Variants in LYST observed in about 807,000 individuals in gnomAD.
The protein encoded by LYST is lysosomal trafficking regulator, also known as lysosomal-trafficking regulator.
In LYST, 192 loss-of-function variants were observed where a neutral mutation model predicts 413.6. The ratio of observed to expected loss-of-function variants is 0.46; its 90% CI spans 0.41 to 0.52. LYST has a LOEUF of 0.52. Among genes scored for constraint, LYST ranks in the 20% least tolerant of loss-of-function variants. The pLI, the probability that LYST is intolerant of heterozygous loss-of-function variation, is 0.00. For synonymous variants in LYST, 1,525 were observed against 1,567.3 expected, an observed-to-expected ratio of 0.97 and a Z score of 0.64; for missense variants, 3,815 against 4,499.9, an observed-to-expected ratio of 0.85 and a Z score of 4.35.
chr1:235,868,233 C>G (rs4660117), upstream of LYST, among the ~76,000 whole-genome samples: 114,662 of 151,740 alleles, frequency 0.76, 43,336 homozygotes, highest in East Asian at 0.88. Flanking sequence ...GGGCAGTGGC[C>G]GGATATCGGC....
At chr1:235,752,450 G>GT (rs1346104817) in intron 26 of LYST, among the ~76,000 whole-genome samples, 1 of 152,090 alleles carries the variant, frequency 6.6e-6, no homozygotes, top group Admixed American at 6.5e-5. Flanking sequence ...GTAAATGGTT[G>GT]TAAGTGTAAC....
intron 1 of LYST, among the ~76,000 whole-genome samples, chr1:235,850,320 C>T (rs566571711): frequency 6.6e-6 from 1 of 152,038 alleles, no homozygotes; most frequent in Non-Finnish European, 1.5e-5. Context: ...ATCAGCTAGC[C>T]GCATGTAGGA....
intron 31 of LYST, chr1:235,738,448 A>G: frequency 6.2e-7 from 1 of 1,612,952 alleles, no homozygotes; most frequent in Non-Finnish European, 8.5e-7. Context: ...GGCTTGGAAG[A>G]TAATGGCTTT....
intron 47 of LYST, among the ~76,000 whole-genome samples, chr1:235,692,712 T>C (rs1660761374): frequency 6.6e-6 from 1 of 151,540 alleles, no homozygotes; most frequent in South Asian, 2.1e-4. Context: ...GCATTAACCA[T>C]TATAAAGATA....
chr1:235,703,912 T>G (rs1661746853), intron 44 of LYST, among the ~76,000 whole-genome samples: 1 of 136,412 alleles, frequency 7.3e-6, no homozygotes, highest in African/African-American at 3.0e-5. Flanking sequence ...CCTCCTCCTA[T>G]CCCTCACCCT....
At chr1:235,669,253 C>G (rs534782392) in intron 50 of LYST, among the ~76,000 whole-genome samples, 1 of 152,170 alleles carries the variant, frequency 6.6e-6, no homozygotes. Context: ...CCAGATACCC[C>G]CCAACTCTCA....
intron 48 of LYST, among the ~76,000 whole-genome samples, chr1:235,685,175 C>T (rs564746592): frequency 6.6e-6 from 1 of 152,200 alleles, no homozygotes; most frequent in South Asian, 2.1e-4. Flanking sequence ...GGATCCAGCT[C>T]AAGTGTAACT....
intron 48 of LYST, among the ~76,000 whole-genome samples, chr1:235,682,038 A>G (rs4233482): frequency 1 from 152,208 of 152,322 alleles, 76,047 homozygotes; most frequent in East Asian, 1. Flanking sequence ...AAGATTTAAC[A>G]TGTGGCTCAC....
intron 47 of LYST, among the ~76,000 whole-genome samples, chr1:235,688,381 T>C (rs530623377): frequency 8.5e-5 from 13 of 152,342 alleles, no homozygotes; most frequent in South Asian, 2.1e-4. Flanking sequence ...CCCAAGAGGA[T>C]AATCTAATAT....
At chr1:235,828,013 T>G (rs963590011) in intron 3 of LYST, 4 of 415,944 alleles carry the variant, frequency 9.6e-6, no homozygotes, top group African/African-American at 8.7e-5. Flanking sequence ...AATAAGCAAA[T>G]GAAAAAATGC....
intron 14 of LYST, among the ~76,000 whole-genome samples, chr1:235,782,953 G>A (rs376530954): frequency 6.6e-6 from 1 of 152,108 alleles, no homozygotes; most frequent in African/African-American, 2.4e-5. Flanking sequence ...CATGGATAAC[G>A]GTGAAGGAAT....
intron 50 of LYST, among the ~76,000 whole-genome samples, chr1:235,667,752 C>T (rs1423418022): frequency 2.6e-5 from 4 of 152,094 alleles, no homozygotes; most frequent in Admixed American, 6.5e-5. Context: ...CTGCAACCTC[C>T]GCTTCCTTCA....
chr1:235,730,587 GTGTGTGTGTGTGTGTGTGTGTGTGTGTA>G (rs1375054531), intron 36 of LYST, among the ~76,000 whole-genome samples: 2 of 110,904 alleles, frequency 1.8e-5, no homozygotes, highest in Non-Finnish European at 3.6e-5. Flanking sequence ...GTGTGTGTGT[GTGTGTGTGTGTGTGTGTGTGTGTGTGTA>G]TATGTAAACT....
chr1:235,702,798 C>T lies in LYST; in HGVS notation c.10323G>A (p.Val3441=), dbSNP rs1661649542. ...CTCGGGTCTCCCTGAAAGCAAACTG[C>T]ACTAGCAACCCCACAGCAGCTGGAA... is the stretch of plus-strand genomic sequence containing the variant. ...GELPAAVGLL[V]QFAFRETREQ... Residue 3441 remains valine (V), a synonymous_variant, in exon 45 of 53, where the codon GTG becomes GTA. Transcript: ENST00000389793. 2 of 1,614,178 alleles carry T rather than the reference C, an allele frequency of 1.2e-6. No homozygotes were observed. Among genetic ancestry groups the T allele is most frequent in the Non-Finnish European group, 8.5e-7 (1 of 1,180,026 alleles).
In LYST at chr1:235,882,266, C is replaced by T. The variant is rs558948781; in HGVS notation, n.454+921G>A. Among the ~76,000 whole-genome samples the T allele has an allele frequency of 1.3e-4, 20 of 152,220 alleles. No individual in the cohort carries two copies. The South Asian group carries it at 4.2e-3, about 32-fold the overall frequency. ...GGGAATAGCATAGGAAGTAAGGAGG[C>T]AATTCCAAGGTCATATTAGGAGAAC... is the stretch of plus-strand genomic sequence containing the variant. On this transcript the variant is annotated intron_variant and non_coding_transcript_variant, in intron 1 of 11. Coordinates refer to the LYST transcript ENST00000465349.
At chr1:235,807,328 T>C (rs1357790720) in intron 5 of LYST, among the ~76,000 whole-genome samples, 1 of 152,180 alleles carries the variant, frequency 6.6e-6, no homozygotes, top group Non-Finnish European at 1.5e-5. Flanking sequence ...ACAAATATTA[T>C]AAAAGTTTTT....
In LYST at chr1:235,674,170, G is replaced by C. The variant is rs1659190470; in HGVS notation, c.11038+2921C>G. Among the ~76,000 whole-genome samples, 1 of 152,096 alleles carries C rather than the reference G, an allele frequency of 6.6e-6. No individual in the cohort carries two copies. The highest frequency in any genetic ancestry group is 2.4e-5 in the African/African-American group (1 of 41,398). ...TTTTACCTTGTGTCTCTCACGACAG[G>C]GGGAATATTTGGCATTCCTTGGAAG... On this transcript the variant is annotated intron_variant, in intron 50 of 52. Coordinates refer to ENST00000389793, the MANE Select transcript of LYST (RefSeq NM_000081.4). The surrounding 1 kb of genome is among the most constrained non-coding windows in gnomAD (Gnocchi z 4.1).
In LYST at chr1:235,858,523, C is replaced by A. The variant is rs369059599; in HGVS notation, c.-98+8320G>T. Among the ~76,000 whole-genome samples the A allele has an allele frequency of 2.3e-4, 35 of 152,304 alleles. No individual in the cohort carries two copies. In the South Asian group the frequency reaches 7.0e-3, roughly 31 times the overall value. On this transcript the variant is annotated intron_variant, in intron 1 of 52. Coordinates refer to ENST00000389793, the MANE Select transcript of LYST (RefSeq NM_000081.4). ...ATTGAGAATTCTCACATCTATGTGCCAATTTTTCCATCTCTAGTACTCTTT... is the reference window on the plus strand; with the variant it reads ...ATTGAGAATTCTCACATCTATGTGCAAATTTTTCCATCTCTAGTACTCTTT...
intron 42 of LYST, 148 bp from the exon 43 acceptor site, chr1:235,712,345 C>A: frequency 1.6e-6 from 1 of 620,396 alleles, no homozygotes; most frequent in South Asian, 2.5e-5. Flanking sequence ...TATTCATGTT[C>A]TTGAAAATAA....
Sources: gnomAD v4.1 joint callset for allele counts (sites outside exome capture counted in the v4.1 genomes callset) on GRCh38, gnomAD v4.1.1 for gene constraint, Gnocchi (gnomAD v3.1) non-coding constraint, MANE v1.5 for transcripts, NCBI Gene and HGNC (gene_info 2026-07-23, HGNC 2026-07-21) for gene names.